CYP3A43: variants seen among roughly 807,000 people sequenced by gnomAD.
CYP3A43 encodes cytochrome P450 3A43.
A neutral mutation model predicts 58.0 loss-of-function variants in CYP3A43; 45 were observed. That is an observed-to-expected ratio of 0.78 (90% confidence interval 0.61 to 0.99). The LOEUF (loss-of-function observed/expected upper bound fraction) is 0.99. Ranked by LOEUF, CYP3A43 falls within the 50% of genes least tolerant of loss-of-function variation. CYP3A43 has a pLI of 0.00. For synonymous variants in CYP3A43, 191 were observed against 201.4 expected (o/e 0.95, Z 0.44); for missense variants, 593 against 591.9 (o/e 1.00, Z -0.02).
Position 99,849,580 on chromosome 7 carries a change from G to A in CYP3A43, c.556G>A (p.Gly186Ser). The A allele has an allele frequency of 1.9e-6, 3 of 1,612,354 alleles. No individual in the cohort carries two copies. The highest frequency in any genetic ancestry group is 2.5e-6 in the Non-Finnish European group (3 of 1,179,612). The change falls in exon 7 of 13, where the codon GGC (glycine) becomes AGC (serine). Residue 186 changes from glycine (G) to serine (S), a missense_variant. Coordinates refer to ENST00000354829, the MANE Select transcript of CYP3A43 (RefSeq NM_057095.3). ...FGAYTMDVITGTLFGVNLDSL... is the reference protein window; with the variant it reads ...FGAYTMDVITSTLFGVNLDSL... ...GGCCTACACCATGGATGTAATCACT[G>A]GCACATTATTTGGAGTGAACTTGGA... is the stretch of plus-strand genomic sequence containing the variant.
At chr7:99,849,923 T>C (rs1817686374) in intron 7 of CYP3A43, 1 of 601,328 alleles carries the variant, frequency 1.7e-6, no homozygotes, top group East Asian at 3.3e-5. Context: ...CACATACCAT[T>C]TAACCATCAT....
At position 99,839,115 on chromosome 7, in the gene CYP3A43, G is replaced by T; in HGVS notation, c.166-5G>T. Reference sequence around the variant, plus strand: ...ACTTGAATTGTATTTTGTTTCTTCTGCCAGGGTCTTTGGAATTTTGACAGA... The same window carrying T: ...ACTTGAATTGTATTTTGTTTCTTCTTCCAGGGTCTTTGGAATTTTGACAGA... On this transcript the variant is annotated splice_polypyrimidine_tract_variant and splice_region_variant and intron_variant, in intron 2 of 12. Transcript: ENST00000354829. The T allele has an allele frequency of 6.2e-7, 1 of 1,614,132 alleles. No homozygotes were observed. The highest frequency in any genetic ancestry group is 1.3e-5 in the African/African-American group (1 of 75,040).
At chr7:99,851,738 G>T (rs1817769564) in intron 7 of CYP3A43, among the ~76,000 whole-genome samples, 1 of 152,072 alleles carries the variant, frequency 6.6e-6, no homozygotes, top group African/African-American at 2.4e-5. Flanking sequence ...TTACTTTCTT[G>T]ATATTGTTCT....
intron 4 of CYP3A43, among the ~76,000 whole-genome samples, chr7:99,845,573 C>A (rs1387867523): frequency 1.3e-5 from 2 of 151,790 alleles, no homozygotes; most frequent in African/African-American, 4.8e-5. Flanking sequence ...TCACCCACCT[C>A]AACCTCCCAA....
At chr7:99,848,115 C>CT in intron 5 of CYP3A43, 51 bp from the exon 6 acceptor site, 1 of 1,570,842 alleles carries the variant, frequency 6.4e-7, no homozygotes, top group Admixed American at 1.7e-5. Flanking sequence ...AAGCCATGTC[C>CT]TTCTGAGACT....
chr7:99,848,544 A>G (rs542436399), intron 6 of CYP3A43, among the ~76,000 whole-genome samples: 1 of 152,244 alleles, frequency 6.6e-6, no homozygotes, highest in East Asian at 1.9e-4. Flanking sequence ...AAAAATAAAA[A>G]CCTGATTGTA....
chr7:99,832,305 C>T (rs933591680), intron 1 of CYP3A43, among the ~76,000 whole-genome samples: 2 of 151,496 alleles, frequency 1.3e-5, no homozygotes, highest in African/African-American at 4.9e-5. Context: ...AGCCAAATCT[C>T]ATCTTGAATT....
chr7:99,855,422 TGGAAGAGGGGCAAAGGTCATACA>T lies in CYP3A43; in HGVS notation c.671-141_671-119del, dbSNP rs546547654. On this transcript the variant is annotated intron_variant, in intron 7 of 12. Coordinates refer to ENST00000354829, the MANE Select transcript of CYP3A43 (RefSeq NM_057095.3). ...ATCTGCTCTTGCTCAGCCATTGGCA[TGGAAGAGGGGCAAAGGTCATACA>T]GGAAGAGGGGCAAAGGTCATACAGG... The T allele has an allele frequency of 5.0e-4, 409 of 813,660 alleles. 3 individuals carry two copies. The African/African-American group carries it at 5.9e-3, about 12-fold the overall frequency. The allele number at this position is 813,660 out of a possible 1,614,324, so 50.4% of individuals were successfully genotyped here. A position where few individuals can be genotyped will look rare whatever the true frequency, so the allele number is the denominator to read the frequency against.
rs146431983 is a variant in CYP3A43, at chr7:99,828,158, G to A, written c.43G>A (p.Val15Met). The A allele has an allele frequency of 1.3e-5, 21 of 1,612,860 alleles. No individual in the cohort carries two copies. In the African/African-American group the frequency reaches 2.7e-4, roughly 20 times the overall value. ...CTTTGCCATGGAAACATGGGTTCTT[G>A]TGGCTACCAGCCTGGTACTCCTCTA... ...PNFAMETWVL[V>M]ATSLVLLYIY... Residue 15 changes from valine to methionine, a missense_variant, in exon 1 of 13, where the codon GTG becomes ATG. Val to Met is a conservative substitution (Grantham distance 21, BLOSUM62 1). Coordinates refer to ENST00000354829, the MANE Select transcript of CYP3A43 (RefSeq NM_057095.3).
intron 6 of CYP3A43, among the ~76,000 whole-genome samples, chr7:99,848,860 C>G (rs938806999): frequency 6.6e-6 from 1 of 152,222 alleles, no homozygotes; most frequent in Non-Finnish European, 1.5e-5. Flanking sequence ...GTAAGCTGAG[C>G]CTGTCCTGGG....
chr7:99,857,467 T>C (rs1818026658), intron 9 of CYP3A43, among the ~76,000 whole-genome samples: 1 of 152,138 alleles, frequency 6.6e-6, no homozygotes, highest in African/African-American at 2.4e-5. Context: ...GGTCGCAAAA[T>C]AATGACCATG....
intron 2 of CYP3A43, chr7:99,838,561 A>G: frequency 1.4e-6 from 1 of 719,698 alleles, no homozygotes; most frequent in South Asian, 1.8e-5. Context: ...TGAGTTGCTT[A>G]GTGTTCATAG....
At position 99,848,263 on chromosome 7, in the gene CYP3A43, C is replaced by T. The variant is rs750387816; in HGVS notation, c.521+9C>T. On this transcript the variant is annotated intron_variant, in intron 6 of 12. Coordinates refer to ENST00000354829, the MANE Select transcript of CYP3A43 (RefSeq NM_057095.3). ...TCCATCAACTTGAAAGAGTAAGTAG[C>T]ACAGTCTTGAGGTTCTGAGCTGTCA... The T allele has an allele frequency of 4.3e-6, 7 of 1,613,564 alleles. No individual in the cohort carries two copies. The highest frequency in any genetic ancestry group is 1.1e-5 in the South Asian group (1 of 91,028).
In CYP3A43 at chr7:99,856,814, T is replaced by C. The variant is rs893688521; in HGVS notation, c.799-19T>C. Reference sequence around the variant, plus strand: ...CACAAGTGACTTTCTGTCATTAAAATTTCTCTTTTTGCTTCCAGCATCGAG... The same window carrying C: ...CACAAGTGACTTTCTGTCATTAAAACTTCTCTTTTTGCTTCCAGCATCGAG... On this transcript the variant is annotated intron_variant, in intron 8 of 12. Coordinates refer to ENST00000354829, the MANE Select transcript of CYP3A43 (RefSeq NM_057095.3). 1 of 1,613,760 alleles carries C rather than the reference T, an allele frequency of 6.2e-7. No individual in the cohort carries two copies. The highest frequency in any genetic ancestry group is 1.3e-5 in the African/African-American group (1 of 74,884).
chr7:99,837,652 T>A (rs904169696), intron 2 of CYP3A43, among the ~76,000 whole-genome samples: 9 of 152,144 alleles, frequency 5.9e-5, no homozygotes, highest in Non-Finnish European at 1.2e-4. Context: ...TGTTTTTTTT[T>A]AAAAGAAAGG....
intron 1 of CYP3A43, among the ~76,000 whole-genome samples, chr7:99,829,778 A>G (rs2151584707): frequency 6.6e-6 from 1 of 152,344 alleles, no homozygotes; most frequent in Admixed American, 6.5e-5. Flanking sequence ...ATCTTTCATG[A>G]CAGCAGACCT....
intron 1 of CYP3A43, among the ~76,000 whole-genome samples, chr7:99,834,502 C>T (rs796624523): frequency 6.6e-6 from 1 of 152,204 alleles, no homozygotes; most frequent in African/African-American, 2.4e-5. Flanking sequence ...GTTTCTAACA[C>T]ACATTCCCCT....
At chr7:99,861,535 C>T in intron 10 of CYP3A43, 78 bp from the exon 11 acceptor site, 2 of 1,267,796 alleles carry the variant, frequency 1.6e-6, no homozygotes, top group Non-Finnish European at 2.2e-6. Flanking sequence ...GCTCCTAACA[C>T]TTCAATAGTA....
chr7:99,842,640 A>T (rs1211808990), intron 3 of CYP3A43, among the ~76,000 whole-genome samples: 2 of 152,212 alleles, frequency 1.3e-5, no homozygotes, highest in Non-Finnish European at 2.9e-5. Flanking sequence ...TAAGAGCAAA[A>T]ATCTGACCAA....
Sources: gnomAD v4.1 joint callset for allele counts (sites outside exome capture counted in the v4.1 genomes callset) on GRCh38, gnomAD v4.1.1 for gene constraint, MANE v1.5 for transcripts, NCBI Gene and HGNC (gene_info 2026-07-23, HGNC 2026-07-21) for gene names.